The following TRIM2 variants were observed in gnomAD, a reference collection of about 807,000 sequenced individuals.
TRIM2 encodes the protein tripartite motif containing 2.
Under a neutral mutation model 75.2 loss-of-function variants are expected in TRIM2, and 20 were observed. The ratio of observed to expected loss-of-function variants is 0.27; its 90% CI spans 0.19 to 0.39. TRIM2 has a LOEUF of 0.39. Ranked by LOEUF, TRIM2 falls within the 10% of genes least tolerant of loss-of-function variation. The pLI is 1.00. For missense variants in TRIM2, 660 were observed against 990.8 expected (o/e 0.67, Z 4.48); for synonymous variants, 373 against 388.3 (o/e 0.96, Z 0.46).
At position 153,336,978 on chromosome 4, in the gene TRIM2, A is replaced by T. The variant is rs138387788; in HGVS notation, c.*2012A>T. On this transcript the variant is annotated 3_prime_UTR_variant, in exon 12 of 12. Transcript: ENST00000338700. ...TCTTTGAATTTAAACATTCATATTTACTGAGTACCTACTAGGTACCAAGTA... is the reference window on the plus strand; with the variant it reads ...TCTTTGAATTTAAACATTCATATTTTCTGAGTACCTACTAGGTACCAAGTA... The T allele has an allele frequency of 1.1e-3, 1,042 of 982,786 alleles. 8 individuals carry two copies. In the African/African-American group the frequency reaches 0.016, roughly 16 times the overall value. The allele number at this position is 982,786 out of a possible 1,614,324, so 60.9% of individuals were successfully genotyped here.
At chr4:153,282,814 A>T (rs1759655037) in intron 3 of TRIM2, among the ~76,000 whole-genome samples, 1 of 151,546 alleles carries the variant, frequency 6.6e-6, no homozygotes, top group South Asian at 2.1e-4. Flanking sequence ...GAGACAAAAA[A>T]GTCTCACTCT....
At chr4:153,207,279 C>T (rs796670497) in intron 1 of TRIM2, among the ~76,000 whole-genome samples, 11 of 152,264 alleles carry the variant, frequency 7.2e-5, no homozygotes, top group South Asian at 2.1e-4. Flanking sequence ...TAGGCCTATG[C>T]GGTGCGGTGG....
At chr4:153,227,426 C>T (rs565705472) in intron 1 of TRIM2, among the ~76,000 whole-genome samples, 42 of 152,224 alleles carry the variant, frequency 2.8e-4, no homozygotes, top group African/African-American at 7.5e-4. Flanking sequence ...AGGATGAGAT[C>T]GGGTCTCTTT....
chr4:153,218,846 T>C (rs541449401), intron 1 of TRIM2, among the ~76,000 whole-genome samples: 4 of 152,292 alleles, frequency 2.6e-5, no homozygotes, highest in African/African-American at 9.6e-5. Context: ...CTTCCCTACC[T>C]TCTCCAGGAA....
intron 1 of TRIM2, 136 bp from the exon 2 acceptor site, chr4:153,270,199 A>G (rs1756334362): frequency 5.1e-6 from 5 of 983,822 alleles, no homozygotes; most frequent in Non-Finnish European, 7.3e-6. Context: ...AAGTGCTGGG[A>G]TTACAGGCAT....
chr4:153,306,658 T>C (rs1765062315), intron 6 of TRIM2, among the ~76,000 whole-genome samples: 2 of 152,236 alleles, frequency 1.3e-5, no homozygotes, highest in Admixed American at 1.3e-4. Flanking sequence ...CTTACAATTC[T>C]TAGTAGATAT....
chr4:153,325,572 C>T (rs1173272693), intron 10 of TRIM2, among the ~76,000 whole-genome samples: 2 of 152,188 alleles, frequency 1.3e-5, no homozygotes, highest in African/African-American at 4.8e-5. Flanking sequence ...AGAATGAGCA[C>T]AACTGTCAAA....
chr4:153,309,520 A>G (rs1241182539), intron 6 of TRIM2: 1 of 152,096 alleles, frequency 6.6e-6, no homozygotes, highest in Admixed American at 6.6e-5. Context: ...TCCAGCAAAC[A>G]TTTGTTAAGC....
At chr4:153,263,141 G>T (rs768211348) in intron 1 of TRIM2, among the ~76,000 whole-genome samples, 22 of 152,058 alleles carry the variant, frequency 1.4e-4, no homozygotes, top group Non-Finnish European at 1.8e-4. Flanking sequence ...AACCAGCTGT[G>T]CAACATAGTG....
intron 11 of TRIM2, among the ~76,000 whole-genome samples, chr4:153,332,449 A>T (rs1771676941): frequency 6.6e-6 from 1 of 152,206 alleles, no homozygotes; most frequent in African/African-American, 2.4e-5. Flanking sequence ...GTTTGAGACC[A>T]GCCTGGCCAA....
chr4:153,281,355 G>T (rs181815700), intron 3 of TRIM2, among the ~76,000 whole-genome samples: 1 of 152,236 alleles, frequency 6.6e-6, no homozygotes, highest in Non-Finnish European at 1.5e-5. Flanking sequence ...AGCTAGAGCG[G>T]AAGATAAAGC....
At chr4:153,317,172 G>T (rs1000872697) in intron 8 of TRIM2, among the ~76,000 whole-genome samples, 12 of 150,162 alleles carry the variant, frequency 8.0e-5, no homozygotes, top group African/African-American at 2.4e-4. Context: ...GAGCCACCAC[G>T]CCTGGCCGCA....
chr4:153,217,422 C>T (rs1218857195), intron 1 of TRIM2, among the ~76,000 whole-genome samples: 1 of 152,158 alleles, frequency 6.6e-6, no homozygotes, highest in Non-Finnish European at 1.5e-5. Context: ...CCACCCCAGA[C>T]TCAGCAGGAA....
At chr4:153,333,160 C>T (rs1270181470) in intron 11 of TRIM2, among the ~76,000 whole-genome samples, 3 of 152,108 alleles carry the variant, frequency 2.0e-5, no homozygotes, top group Non-Finnish European at 2.9e-5. Flanking sequence ...ACTAATGATA[C>T]ACTCAACAAC....
intron 6 of TRIM2, chr4:153,307,854 C>T (rs1321243431): frequency 6.8e-6 from 5 of 737,638 alleles, no homozygotes; most frequent in Non-Finnish European, 1.3e-5. Flanking sequence ...GAATTCAGAC[C>T]TAATTTTCAA....
chr4:153,293,141 A>T lies in TRIM2; in HGVS notation c.605+8A>T. 6.3e-7 allele frequency: 1 copy of T among 1,595,388 alleles called. No individual in the cohort carries two copies. The highest frequency in any genetic ancestry group is 1.1e-5 in the South Asian group (1 of 89,614). ...GGATGCTGTCAACAAAAGGTGGGGG[A>T]CCCCTCCCCAAACCCCCAACTGGCT... On this transcript the variant is annotated splice_region_variant and intron_variant, in intron 4 of 11. Coordinates refer to ENST00000338700, the MANE Select transcript of TRIM2 (RefSeq NM_015271.5).
chr4:153,289,039 G>A (rs1346822784), intron 3 of TRIM2, among the ~76,000 whole-genome samples: 1 of 152,066 alleles, frequency 6.6e-6, no homozygotes, highest in Non-Finnish European at 1.5e-5. Context: ...ATATGAAAGA[G>A]TTAAAGTCAA....
chr4:153,308,647 G>A lies in TRIM2; in HGVS notation c.1511-6838G>A, dbSNP rs1179376506. The A allele has an allele frequency of 8.2e-5, 49 of 596,328 alleles. 2 individuals carry two copies. The highest frequency in any genetic ancestry group is 6.4e-4 in the South Asian group (47 of 72,924). The allele number at this position is 596,328 out of a possible 1,614,324, so 36.9% of individuals were successfully genotyped here. A position where few individuals can be genotyped will look rare whatever the true frequency, so the allele number is the denominator to read the frequency against. On this transcript the variant is annotated intron_variant, in intron 6 of 11. Transcript: ENST00000338700. ...CTTGATGGCCATTTCAATGTTCAAA[G>A]CATCCTGCTCAGCATCAAATTTGGT...
At chr4:153,245,608 GTTTATAAATATAA>G (rs1748925280) in intron 1 of TRIM2, among the ~76,000 whole-genome samples, 1 of 152,198 alleles carries the variant, frequency 6.6e-6, no homozygotes, top group Non-Finnish European at 1.5e-5. Flanking sequence ...AAGTTTCAGT[GTTTATAAATATAA>G]TTTTATTGAA....
Sources: allele counts gnomAD v4.1 joint callset (sites outside exome capture counted in the v4.1 genomes callset), GRCh38; gene constraint gnomAD v4.1.1; transcripts MANE v1.5; gene names NCBI Gene and HGNC (gene_info 2026-07-23, HGNC 2026-07-21).